The following PTPRD variants were observed in gnomAD, a reference collection of about 807,000 sequenced individuals.
PTPRD encodes the protein receptor-type tyrosine-protein phosphatase delta.
Under a neutral mutation model 214.5 loss-of-function variants are expected in PTPRD, and 34 were observed. That is an observed-to-expected ratio of 0.16 (90% CI 0.12 to 0.21). The LOEUF is 0.21. Ranked by LOEUF, PTPRD falls within the 10% of genes least tolerant of loss-of-function variation. PTPRD has a pLI of 1.00. For missense variants in PTPRD, 2,545 were observed against 2,398.7 expected (o/e 1.06, Z -1.27); for synonymous variants, 1,128 against 845.7 (o/e 1.33, Z -5.79).
intron 3 of PTPRD, among the ~76,000 whole-genome samples, chr9:10,125,421 A>ATTT (rs1203150288): frequency 0.024 from 2,917 of 122,140 alleles, 102 homozygotes; most frequent in African/African-American, 0.082. Context: ...ATTTTGTTTT[A>ATTT]TTTTATTATT....
intron 2 of PTPRD, among the ~76,000 whole-genome samples, chr9:10,543,059 A>G (rs952580146): frequency 5.9e-5 from 9 of 151,476 alleles, no homozygotes; most frequent in Non-Finnish European, 1.2e-4. Context: ...ACAATTTTGT[A>G]TTTTTAGTAG....
At chr9:9,987,355 GA>G (rs1272091088) in intron 4 of PTPRD, among the ~76,000 whole-genome samples, 8 of 152,158 alleles carry the variant, frequency 5.3e-5, no homozygotes, top group East Asian at 3.8e-4. Flanking sequence ...ATTTACAGAA[GA>G]AAGAGGTTTA....
chr9:9,334,780 C>T (rs1173831668), intron 9 of PTPRD, among the ~76,000 whole-genome samples: 1 of 151,800 alleles, frequency 6.6e-6, no homozygotes, highest in Non-Finnish European at 1.5e-5. Flanking sequence ...ATCCTCATCC[C>T]AACCATGTTG....
intron 10 of PTPRD, among the ~76,000 whole-genome samples, chr9:9,134,767 AAG>A (rs2099848280): frequency 6.6e-6 from 1 of 151,980 alleles, no homozygotes; most frequent in Admixed American, 6.6e-5. Context: ...GATTCCTACC[AAG>A]AGACTGTATC....
At chr9:9,275,492 T>G (rs1282101510) in intron 9 of PTPRD, among the ~76,000 whole-genome samples, 2 of 150,920 alleles carry the variant, frequency 1.3e-5, no homozygotes, top group Non-Finnish European at 3.0e-5. Flanking sequence ...ATCTTACATA[T>G]CTCAGTCTTG....
At chr9:9,388,599 C>G (rs2064715625) in intron 9 of PTPRD, among the ~76,000 whole-genome samples, 1 of 152,060 alleles carries the variant, frequency 6.6e-6, no homozygotes, top group East Asian at 1.9e-4. Context: ...TTCATTCAAT[C>G]ACAGGCTTGT....
chr9:9,505,649 T>C (rs2096553648), intron 8 of PTPRD, among the ~76,000 whole-genome samples: 1 of 151,526 alleles, frequency 6.6e-6, no homozygotes, highest in Non-Finnish European at 1.5e-5. Flanking sequence ...CAAGGTTTCA[T>C]CTAGGCATGC....
chr9:8,828,556 G>C (rs1054377909), intron 11 of PTPRD, among the ~76,000 whole-genome samples: 1 of 152,122 alleles, frequency 6.6e-6, no homozygotes, highest in Non-Finnish European at 1.5e-5. Flanking sequence ...TGTTGCAGTA[G>C]CTCAAAGAGA....
Position 8,733,854 on chromosome 9 carries a change from G to C in PTPRD, c.-11C>G. The C allele has an allele frequency of 6.4e-7, 1 of 1,550,498 alleles. No individual in the cohort carries two copies. The highest frequency in any genetic ancestry group is 8.7e-7 in the Non-Finnish European group (1 of 1,146,952). ...GGCTACGTGCACCATCCTGCAGCTT[G>C]GCAGCAGCGTGCGCGAGCAGCTTGG... On this transcript the variant is annotated 5_prime_UTR_variant, in exon 12 of 46. Transcript: ENST00000381196.
intron 14 of PTPRD, among the ~76,000 whole-genome samples, chr9:8,611,616 G>A (rs1242289322): frequency 1.3e-5 from 2 of 151,708 alleles, no homozygotes. Flanking sequence ...CAGGTGGGAG[G>A]ACCACCTGAG....
chr9:9,682,740 T>A (rs1468920763), intron 7 of PTPRD, among the ~76,000 whole-genome samples: 2 of 151,808 alleles, frequency 1.3e-5, no homozygotes, highest in Admixed American at 1.3e-4. Context: ...GCAAGAACTT[T>A]CCTCTCCAGC....
chr9:8,671,676 AG>A (rs1200979966), intron 12 of PTPRD, among the ~76,000 whole-genome samples: 1 of 152,180 alleles, frequency 6.6e-6, no homozygotes, highest in Non-Finnish European at 1.5e-5. Flanking sequence ...ACATTTAAAG[AG>A]GCATAGACCT....
At chr9:10,145,337 C>T (rs564311948) in intron 3 of PTPRD, among the ~76,000 whole-genome samples, 86 of 152,078 alleles carry the variant, frequency 5.7e-4, no homozygotes, top group African/African-American at 1.4e-3. Context: ...CTTCTGCCTC[C>T]GCCACCCCTG....
chr9:10,514,093 C>A (rs1339056744), intron 2 of PTPRD, among the ~76,000 whole-genome samples: 1 of 152,056 alleles, frequency 6.6e-6, no homozygotes, highest in Non-Finnish European at 1.5e-5. Flanking sequence ...CATTTTAAAT[C>A]AATTATTCAT....
At chr9:8,808,157 C>T (rs1357449483) in intron 11 of PTPRD, among the ~76,000 whole-genome samples, 2 of 152,250 alleles carry the variant, frequency 1.3e-5, no homozygotes, top group Middle Eastern at 3.4e-3. Context: ...ATCCTGTTCA[C>T]ATGTCTAACC....
chr9:10,141,251 G>A (rs1252554141), intron 3 of PTPRD, among the ~76,000 whole-genome samples: 3 of 152,086 alleles, frequency 2.0e-5, no homozygotes, highest in South Asian at 2.1e-4. Context: ...TTTTGGCCAG[G>A]GCAATTAGGC....
At chr9:10,268,148 A>T (rs1351697017) in intron 3 of PTPRD, among the ~76,000 whole-genome samples, 2 of 143,642 alleles carry the variant, frequency 1.4e-5, no homozygotes, top group African/African-American at 2.6e-5. Flanking sequence ...TAATTGGCTG[A>T]GTGTGGTAGT....
intron 3 of PTPRD, among the ~76,000 whole-genome samples, chr9:10,083,722 G>A (rs927022057): frequency 6.6e-6 from 1 of 151,912 alleles, no homozygotes; most frequent in Non-Finnish European, 1.5e-5. Context: ...TTCTATGGTA[G>A]GAGTCGGGGG....
intron 7 of PTPRD, among the ~76,000 whole-genome samples, chr9:9,602,939 TA>T (rs984261526): frequency 2.0e-5 from 3 of 152,144 alleles, no homozygotes; most frequent in Admixed American, 2.0e-4. Context: ...TGGATAAAAT[TA>T]TTTTTTTAAG....
Sources: gnomAD v4.1 joint callset for allele counts (sites outside exome capture counted in the v4.1 genomes callset) on GRCh38, gnomAD v4.1.1 for gene constraint, MANE v1.5 for transcripts, NCBI Gene and HGNC (gene_info 2026-07-23, HGNC 2026-07-21) for gene names.